CNDP1: variants seen among roughly 807,000 people sequenced by gnomAD.
The protein encoded by CNDP1 is beta-Ala-His dipeptidase.
Under a neutral mutation model 58.1 loss-of-function variants are expected in CNDP1, and 44 were observed. That is an observed-to-expected ratio of 0.76 (90% CI 0.60 to 0.97). The LOEUF is 0.97. Among genes scored for constraint, CNDP1 ranks in the 50% least tolerant of loss-of-function variants. The probability of loss-of-function intolerance (pLI) is 0.00; values close to 1 mark genes in which losing one functional copy is unlikely to be tolerated. For synonymous variants in CNDP1, 254 were observed against 252.6 expected, an observed-to-expected ratio of 1.01 and a Z score of -0.05; for missense variants, 616 against 655.1, an observed-to-expected ratio of 0.94 and a Z score of 0.65.
At chr18:74,539,243 C>T (rs2144637515) in intron 1 of CNDP1, among the ~76,000 whole-genome samples, 1 of 152,154 alleles carries the variant, frequency 6.6e-6, no homozygotes, top group East Asian at 1.9e-4. Flanking sequence ...TGTTTGTTCC[C>T]ACCAGCTTTT....
Position 74,587,118 on chromosome 18 carries a change from T to C in CNDP1, c.*2556T>C, listed in dbSNP as rs765736076. On this transcript the variant is annotated 3_prime_UTR_variant, in exon 12 of 12. Transcript: ENST00000358821. ...AAGTTTAGGGGTTAGGAATATCATT[T>C]GAGTTTGGTAGATGCTTTTCTGGAA... 1 of 152,230 alleles carries C rather than the reference T, an allele frequency of 6.6e-6. No homozygotes were observed. Among genetic ancestry groups the C allele is most frequent in the Non-Finnish European group, 1.5e-5 (1 of 68,048 alleles). The allele number at this position is 152,230 out of a possible 1,614,324, so 9.4% of individuals were successfully genotyped here. A position where few individuals can be genotyped will look rare whatever the true frequency, so the allele number is the denominator to read the frequency against.
intron 1 of CNDP1, among the ~76,000 whole-genome samples, chr18:74,552,496 G>A (rs556493580): frequency 1.7e-4 from 26 of 152,260 alleles, no homozygotes; most frequent in Admixed American, 9.2e-4. Context: ...AGACTGTTAC[G>A]TAAATGGAAT....
chr18:74,557,075 C>G (rs1229472627), intron 2 of CNDP1, among the ~76,000 whole-genome samples: 1 of 151,550 alleles, frequency 6.6e-6, no homozygotes, highest in East Asian at 1.9e-4. Flanking sequence ...GCCAACACAC[C>G]TGGCTAATTT....
chr18:74,537,154 CA>C (rs1457797480), intron 1 of CNDP1, among the ~76,000 whole-genome samples: 2 of 152,118 alleles, frequency 1.3e-5, no homozygotes, highest in African/African-American at 4.8e-5. Flanking sequence ...TTCTATTTGT[CA>C]ATTTTTGCTT....
intron 3 of CNDP1, among the ~76,000 whole-genome samples, chr18:74,560,161 G>A (rs908336018): frequency 3.9e-5 from 6 of 151,926 alleles, no homozygotes; most frequent in South Asian, 2.1e-4. Flanking sequence ...GATTTCAGGC[G>A]TGCACCACCA....
intron 9 of CNDP1, among the ~76,000 whole-genome samples, chr18:74,579,191 T>TTC (rs1416178712): frequency 1.2e-4 from 7 of 59,900 alleles, no homozygotes; most frequent in African/African-American, 3.0e-4. Context: ...CTCCCTTTCC[T>TTC]TCCCTTCCCT....
intron 4 of CNDP1, among the ~76,000 whole-genome samples, chr18:74,561,814 A>T (rs995261909): frequency 3.3e-5 from 5 of 152,198 alleles, no homozygotes; most frequent in Admixed American, 1.3e-4. Context: ...AGCTTATCTT[A>T]TCTGACTAGC....
intron 1 of CNDP1, among the ~76,000 whole-genome samples, chr18:74,544,531 A>G (rs1218184626): frequency 1.3e-5 from 2 of 152,164 alleles, no homozygotes; most frequent in Non-Finnish European, 2.9e-5. Context: ...AGCCAGGCCA[A>G]CATGGTGAAA....
At chr18:74,552,899 G>T (rs1980946019) in intron 1 of CNDP1, among the ~76,000 whole-genome samples, 1 of 152,162 alleles carries the variant, frequency 6.6e-6, no homozygotes, top group Non-Finnish European at 1.5e-5. Context: ...GTTCCCATCA[G>T]CAGTACATGA....
In CNDP1 at chr18:74,567,357, C is replaced by G; in HGVS notation, c.680C>G (p.Ser227Ter). The G allele has an allele frequency of 6.2e-7, 1 of 1,614,122 alleles. No homozygotes were observed. The highest frequency in any genetic ancestry group is 8.5e-7 in the Non-Finnish European group (1 of 1,180,000). Residue 227 changes from serine (S) to a stop codon, truncating the protein, a stop_gained, in exon 6 of 12, where the codon TCA becomes TGA. Coordinates refer to ENST00000358821, the MANE Select transcript of CNDP1 (RefSeq NM_032649.6). LOFTEE classifies it high-confidence loss of function. ...FFSGVDYIVI[S>*]DNLWISQRKP... ...TCTGGTGTGGACTACATTGTAATTT[C>G]AGATAACCTGTGGATCAGCCAAAGG... is the stretch of plus-strand genomic sequence containing the variant.
chr18:74,558,582 G>C (rs1222058925), intron 2 of CNDP1, among the ~76,000 whole-genome samples: 4 of 151,936 alleles, frequency 2.6e-5, no homozygotes, highest in Admixed American at 2.6e-4. Context: ...TTTTAGTAGA[G>C]ATGGGGTTTC....
chr18:74,549,747 C>T (rs1049707869), intron 1 of CNDP1, among the ~76,000 whole-genome samples: 3 of 152,222 alleles, frequency 2.0e-5, no homozygotes, highest in African/African-American at 7.2e-5. Context: ...GAGGAAGCCC[C>T]TCTCACCACA....
chr18:74,550,603 G>A lies in CNDP1; in HGVS notation c.25-5735G>A, dbSNP rs1980876301. Among the ~76,000 whole-genome samples the A allele has an allele frequency of 6.1e-5, 9 of 147,440 alleles. 2 individuals carry two copies. The South Asian group carries it at 1.9e-3, about 32-fold the overall frequency. ...AATTTTTTTTTTTTTTTTTGAGACA[G>A]TCTTGCTCTGTCACCCAGGCTGGAG... On this transcript the variant is annotated intron_variant, in intron 1 of 11. Transcript: ENST00000358821.
At chr18:74,549,775 G>A (rs946642503) in intron 1 of CNDP1, among the ~76,000 whole-genome samples, 4 of 152,220 alleles carry the variant, frequency 2.6e-5, no homozygotes, top group Admixed American at 6.5e-5. Context: ...AGGCCTAGGA[G>A]GACTAAATGG....
Position 74,584,777 on chromosome 18 carries a change from C to T in CNDP1, c.*215C>T. 1 of 516,536 alleles carries T rather than the reference C, an allele frequency of 1.9e-6. No individual in the cohort carries two copies. Among genetic ancestry groups the T allele is most frequent in the Non-Finnish European group, 3.5e-6 (1 of 288,458 alleles). The allele number at this position is 516,536 out of a possible 1,614,324, so 32.0% of individuals were successfully genotyped here. A position where few individuals can be genotyped will look rare whatever the true frequency, so the allele number is the denominator to read the frequency against. ...TTAAGGTCCCCCACTGCACACCTTCCTCAAGTCATAGCTGCTTGCAGCAAC... is the reference window on the plus strand; with the variant it reads ...TTAAGGTCCCCCACTGCACACCTTCTTCAAGTCATAGCTGCTTGCAGCAAC... On this transcript the variant is annotated 3_prime_UTR_variant, in exon 12 of 12. Transcript: ENST00000358821.
chr18:74,556,110 GT>G (rs1310196009), intron 1 of CNDP1, among the ~76,000 whole-genome samples: 2 of 152,198 alleles, frequency 1.3e-5, no homozygotes, highest in African/African-American at 4.8e-5. Context: ...AGATGAGCTT[GT>G]TAACTTGGTT....
chr18:74,557,547 C>T (rs1981075157), intron 2 of CNDP1, among the ~76,000 whole-genome samples: 1 of 152,060 alleles, frequency 6.6e-6, no homozygotes. Context: ...TCCCCACCCC[C>T]ACTCTCCTAG....
intron 5 of CNDP1, among the ~76,000 whole-genome samples, chr18:74,565,513 A>G (rs1223311638): frequency 6.6e-6 from 1 of 152,198 alleles, no homozygotes; most frequent in African/African-American, 2.4e-5. Flanking sequence ...AGCTGTTCCA[A>G]ATGGGAGAAA....
chr18:74,571,350 C>T (rs977315624), intron 7 of CNDP1, 80 bp downstream of exon 7: 1 of 1,011,390 alleles, frequency 9.9e-7, no homozygotes, highest in Admixed American at 1.8e-5. Flanking sequence ...TGTGCCTCTC[C>T]TTGCTTTCTG....
Sources: allele counts gnomAD v4.1 joint callset (sites outside exome capture counted in the v4.1 genomes callset), GRCh38; gene constraint gnomAD v4.1.1; transcripts MANE v1.5; gene names NCBI Gene and HGNC (gene_info 2026-07-23, HGNC 2026-07-21).